The following PEAR1 variants were observed in gnomAD, a reference collection of about 807,000 sequenced individuals.
PEAR1 encodes the protein platelet endothelial aggregation receptor 1.
In PEAR1, 113 loss-of-function variants were observed where a neutral mutation model predicts 131.2. That is an observed-to-expected ratio of 0.86 (90% CI 0.74 to 1.01). PEAR1 has a LOEUF of 1.01. PEAR1 is among the 50% of genes least tolerant of loss of function. The pLI is 0.00. For missense variants in PEAR1, 1,408 were observed against 1,391.1 expected, an observed-to-expected ratio of 1.01 and a Z score of -0.19; for synonymous variants, 565 against 523.3, an observed-to-expected ratio of 1.08 and a Z score of -1.09.
rs754531948 is a variant in PEAR1, at chr1:156,906,857, C to T, written c.621C>T (p.Cys207=). Residue 207 remains cysteine, a synonymous_variant, in exon 6 of 23, where the codon TGC becomes TGT. Coordinates refer to ENST00000292357, the MANE Select transcript of PEAR1 (RefSeq NM_001080471.3). ...ATCCCCAGACTGGAGCCTGCTTCTG[C>T]CCCGCAGAGAGAACTGGGCCCAGGT... is the stretch of plus-strand genomic sequence containing the variant. ...PCDPQTGACF[C]PAERTGPSCD... 10 of 1,613,966 alleles carry T rather than the reference C, an allele frequency of 6.2e-6. No individual in the cohort carries two copies. The Admixed American group carries it at 1.3e-4, about 22-fold the overall frequency.
intron 18 of PEAR1, 70 bp downstream of exon 18, chr1:156,913,052 T>C (rs1651425497): frequency 6.3e-7 from 1 of 1,593,062 alleles, no homozygotes; most frequent in Admixed American, 1.7e-5. Flanking sequence ...ATGCTGGGCA[T>C]GACCCAAAGG....
In PEAR1 at chr1:156,908,033, C is replaced by T. The variant is rs1650558574; in HGVS notation, c.884C>T (p.Pro295Leu). 3 of 1,389,964 alleles carry T rather than the reference C, an allele frequency of 2.2e-6. No individual in the cohort carries two copies. The highest frequency in any genetic ancestry group is 2.9e-6 in the Non-Finnish European group (3 of 1,035,828). 86.1% of individuals were successfully genotyped at this position (1,389,964 alleles called of 1,614,324 possible). The change falls in exon 8 of 23, where the codon CCG (proline) becomes CTG (leucine). Residue 295 changes from proline (P) to leucine (L), a missense_variant. Pro to Leu is a moderately conservative substitution (Grantham distance 98). Coordinates refer to ENST00000292357, the MANE Select transcript of PEAR1 (RefSeq NM_001080471.3). The surrounding 1 kb of genome is among the most constrained non-coding windows in gnomAD (Gnocchi z 4.2). Reference sequence around the variant, plus strand: ...TTCACTGGGCAGTGCCGCTGCGCTCCGGGTTACACTGGGGATCGGTGAGTG... The same window carrying T: ...TTCACTGGGCAGTGCCGCTGCGCTCTGGGTTACACTGGGGATCGGTGAGTG... ...DRFTGQCRCA[P>L]GYTGDRCREE...
In PEAR1 at chr1:156,908,840, C is replaced by G. The variant is rs1217142256; in HGVS notation, c.1290+11C>G. The G allele has an allele frequency of 6.2e-7, 1 of 1,604,912 alleles. No homozygotes were observed. Among genetic ancestry groups the G allele is most frequent in the Non-Finnish European group, 8.5e-7 (1 of 1,178,024 alleles). On this transcript the variant is annotated intron_variant, in intron 10 of 22. Coordinates refer to ENST00000292357, the MANE Select transcript of PEAR1 (RefSeq NM_001080471.3). The surrounding 1 kb of genome is among the most constrained non-coding windows in gnomAD (Gnocchi z 4.2). ...GCGCCGGGTTACACGGTGAGGCGCGCCCGGCTGCAAGGAAGCGAGGCAGGT... is the reference window on the plus strand; with the variant it reads ...GCGCCGGGTTACACGGTGAGGCGCGGCCGGCTGCAAGGAAGCGAGGCAGGT...
chr1:156,912,348 G>T lies in PEAR1; in HGVS notation c.2053G>T (p.Gly685Cys). The change falls in exon 16 of 23, where the codon GGC becomes TGC. Residue 685 changes from glycine to cysteine, a missense_variant. By Grantham distance (159) the Gly-to-Cys change is radical. Transcript: ENST00000292357. ...PQDGSCICPL[G>C]WTGHHCLEGC... is the part of the protein sequence containing the mutation. ...GGATGGGAGCTGTATCTGCCCCCTA[G>T]GCTGGACTGGACACCACTGCTTAGA... The T allele has an allele frequency of 6.2e-7, 1 of 1,613,890 alleles. No homozygotes were observed. Among genetic ancestry groups the T allele is most frequent in the Non-Finnish European group, 8.5e-7 (1 of 1,179,910 alleles).
At chr1:156,912,688 C>G in intron 17 of PEAR1, 66 bp downstream of exon 17, 3 of 1,609,680 alleles carry the variant, frequency 1.9e-6, no homozygotes, top group Non-Finnish European at 2.5e-6. Context: ...GCCCCTCATA[C>G]AGTCCCTACT....
rs767569700 is a variant in PEAR1 at position 156,904,807 on chromosome 1, C to T, written c.161C>T (p.Pro54Leu). The T allele has an allele frequency of 1.9e-6, 3 of 1,613,948 alleles. No individual in the cohort carries two copies. In the South Asian group the frequency reaches 3.3e-5, roughly 18 times the overall value. The change falls in exon 3 of 23, where the codon CCC (proline) becomes CTC (leucine). Residue 54 changes from proline (P) to leucine (L), a missense_variant. Pro to Leu is a moderately conservative substitution (Grantham distance 98, BLOSUM62 -3). Transcript: ENST00000292357. ...SRPFSLLPSE[P>L]CERPWEGPHT... ...CCCTTCAGCCTGCTCCCCTCAGAGC[C>T]CTGCGAGCGGCCCTGGGAGGGCCCC...
At chr1:156,909,979 C>T in intron 12 of PEAR1, 27 bp from the exon 13 acceptor site, 1 of 1,612,976 alleles carries the variant, frequency 6.2e-7, no homozygotes, top group African/African-American at 1.3e-5. Context: ...GCTGACTGGC[C>T]TACCTGCTCC....
Position 156,910,110 on chromosome 1 carries a change from T to A in PEAR1, c.1678+2T>A, listed in dbSNP as rs1173578899. The A allele has an allele frequency of 6.2e-7, 1 of 1,613,786 alleles. No individual in the cohort carries two copies. Among genetic ancestry groups the A allele is most frequent in the Non-Finnish European group, 8.5e-7 (1 of 1,179,910 alleles). On this transcript the variant is annotated splice_donor_variant, in intron 13 of 22. Transcript: ENST00000292357. LOFTEE classifies it high-confidence loss of function. ...GTCAGTGCCAGGCTGGCTGGATGGG[T>A]GAGCATTCTGGGGCCCCAGGCCTAC...
In PEAR1 at chr1:156,895,919, ATT is replaced by A. The variant is rs61166557; in HGVS notation, c.-10+2092_-10+2093del. 6.7e-3 allele frequency among the ~76,000 whole-genome samples: 1,003 copies of A among 149,442 alleles called. 12 individuals are homozygous for A. Among genetic ancestry groups the A allele is most frequent in the African/African-American group, 0.024 (964 of 40,882 alleles). On this transcript the variant is annotated intron_variant, in intron 1 of 22. Coordinates refer to ENST00000292357, the MANE Select transcript of PEAR1 (RefSeq NM_001080471.3). ...AACATAATGAGATTGCATCCCTACA[ATT>A]TTTTTTTTTAATTAGCTTGGCATGG... is the stretch of plus-strand genomic sequence containing the variant.
At position 156,909,920 on chromosome 1, in the gene PEAR1, T is replaced by A. The variant is rs769600252; in HGVS notation, c.1575+6T>A. The A allele has an allele frequency of 1.2e-6, 2 of 1,611,238 alleles. No homozygotes were observed. The highest frequency in any genetic ancestry group is 2.2e-5 in the South Asian group (2 of 90,720). ...ACTGCCAGCTGCCCTGTCCGGTGAG[T>A]GCTGGACAGCCTGTCTGCCTGGGGG... On this transcript the variant is annotated splice_donor_region_variant and intron_variant, in intron 12 of 22. Coordinates refer to ENST00000292357, the MANE Select transcript of PEAR1 (RefSeq NM_001080471.3).
intron 14 of PEAR1, 82 bp downstream of exon 14, chr1:156,910,462 GCCC>G: frequency 6.5e-7 from 1 of 1,539,610 alleles, no homozygotes; most frequent in Non-Finnish European, 8.8e-7. Flanking sequence ...CTCCCCCCGC[GCCC>G]GCCGCCCACC....
chr1:156,907,577 T>C (rs1181912446), intron 6 of PEAR1, 33 bp from the exon 7 acceptor site: 2 of 1,587,728 alleles, frequency 1.3e-6, no homozygotes, highest in African/African-American at 2.7e-5. Context: ...TATTGCTTGT[T>C]TGCACATTGA....
At chr1:156,906,250 T>C in intron 4 of PEAR1, 26 bp from the exon 5 acceptor site, 1 of 1,605,412 alleles carries the variant, frequency 6.2e-7, no homozygotes, top group South Asian at 1.1e-5. Flanking sequence ...GGTGGACACA[T>C]CTCACCACAC....
In PEAR1 at chr1:156,906,879, A is replaced by G; in HGVS notation, c.643A>G (p.Ser215Gly). 2 of 1,613,704 alleles carry G rather than the reference A, an allele frequency of 1.2e-6. No homozygotes were observed. Among genetic ancestry groups the G allele is most frequent in the Non-Finnish European group, 1.7e-6 (2 of 1,179,852 alleles). Residue 215 changes from serine (S) to glycine (G), a missense_variant and splice_region_variant, in exon 6 of 23, where the codon AGC becomes GGC. Transcript: ENST00000292357. The part of the protein sequence containing the change: ...CFCPAERTGP[S>G]CDVSCSQGTS... ...CTGCCCCGCAGAGAGAACTGGGCCC[A>G]GGTATGTAATGGGGGGAACGACACT... is the stretch of plus-strand genomic sequence containing the variant.
chr1:156,906,959 C>T, intron 6 of PEAR1, 79 bp downstream of exon 6: 1 of 1,506,726 alleles, frequency 6.6e-7, no homozygotes, highest in Non-Finnish European at 8.9e-7. Context: ...AATGAGGTGA[C>T]TCAGACAGGG....
rs769155301 is a variant in PEAR1 at position 156,910,421 on chromosome 1, G to A, written c.1825+41G>A. ...GCCCCTTCCACCTGCCACCAGCAGG[G>A]GGCAGTGTAGTGTCAGCTGCCAGAG... On this transcript the variant is annotated intron_variant, in intron 14 of 22. Transcript: ENST00000292357. The A allele has an allele frequency of 3.8e-6, 6 of 1,559,476 alleles. No individual in the cohort carries two copies. In the Admixed American group the frequency reaches 5.5e-5, roughly 14 times the overall value.
At chr1:156,894,643 G>A (rs568860444) in intron 1 of PEAR1, among the ~76,000 whole-genome samples, 1 of 152,302 alleles carries the variant, frequency 6.6e-6, no homozygotes, top group South Asian at 2.1e-4. Flanking sequence ...GGGGGGTCCA[G>A]GAGCCCAGGC....
chr1:156,912,988 C>T lies in PEAR1; in HGVS notation c.2422+6C>T. The stretch of plus-strand genomic sequence containing the variant: ...CTCCGAGTATGTCATGCCAGGTGAG[C>T]TGGCACAGGGCCTGGGGCACAGATG... On this transcript the variant is annotated splice_donor_region_variant and intron_variant, in intron 18 of 22. Transcript: ENST00000292357. 1 of 1,613,966 alleles carries T rather than the reference C, an allele frequency of 6.2e-7. No individual in the cohort carries two copies. The highest frequency in any genetic ancestry group is 8.5e-7 in the Non-Finnish European group (1 of 1,179,984).
At position 156,908,891 on chromosome 1, in the gene PEAR1, C is replaced by T. The variant is rs765649230; in HGVS notation, c.1291-25C>T. On this transcript the variant is annotated intron_variant, in intron 10 of 22. Coordinates refer to ENST00000292357, the MANE Select transcript of PEAR1 (RefSeq NM_001080471.3). The surrounding 1 kb of genome is among the most constrained non-coding windows in gnomAD (Gnocchi z 4.2). Reference sequence around the variant, plus strand: ...GGAGAGGCCAAGGAATGGGCCGCCCCTCTCACCCGCTCACCCTCTTTCAGG... The same window carrying T: ...GGAGAGGCCAAGGAATGGGCCGCCCTTCTCACCCGCTCACCCTCTTTCAGG... The T allele has an allele frequency of 1.2e-6, 2 of 1,611,150 alleles. No individual in the cohort carries two copies. The highest frequency in any genetic ancestry group is 2.2e-5 in the South Asian group (2 of 91,080).
Sources: gnomAD v4.1 joint callset for allele counts (sites outside exome capture counted in the v4.1 genomes callset) on GRCh38, gnomAD v4.1.1 for gene constraint, Gnocchi (gnomAD v3.1) non-coding constraint, MANE v1.5 for transcripts, NCBI Gene and HGNC (gene_info 2026-07-23, HGNC 2026-07-21) for gene names.